Variants in MED12L observed in about 807,000 individuals in gnomAD.
The protein encoded by MED12L is mediator of RNA polymerase II transcription subunit 12-like protein.
Under a neutral mutation model 281.3 loss-of-function variants are expected in MED12L, and 60 were observed. The ratio of observed to expected loss-of-function variants is 0.21; its 90% CI spans 0.17 to 0.26. The LOEUF (loss-of-function observed/expected upper bound fraction) is 0.26. MED12L is among the 10% of genes least tolerant of loss of function. MED12L has a pLI of 1.00. For synonymous variants in MED12L, 974 were observed against 987.2 expected (o/e 0.99, Z 0.25); for missense variants, 2,146 against 2,680.9 (o/e 0.80, Z 4.41).
intron 5 of MED12L, among the ~76,000 whole-genome samples, chr3:151,143,038 C>T (rs1012468294): frequency 1.3e-5 from 2 of 152,090 alleles, no homozygotes; most frequent in African/African-American, 4.8e-5. Flanking sequence ...ACAGCTAAAG[C>T]AAATAGCTTT....
chr3:151,294,529 T>A (rs754509945), intron 16 of MED12L: 1 of 1,614,172 alleles, frequency 6.2e-7, no homozygotes, highest in South Asian at 1.1e-5. Context: ...GACTTATGAA[T>A]TGCCTGCTGG....
intron 16 of MED12L, among the ~76,000 whole-genome samples, chr3:151,298,344 A>G (rs578042938): frequency 6.6e-6 from 1 of 152,304 alleles, no homozygotes; most frequent in South Asian, 2.1e-4. Flanking sequence ...TCTTTAATTG[A>G]CAGTAGCTTG....
chr3:151,242,202 C>G (rs534830096), intron 16 of MED12L, among the ~76,000 whole-genome samples: 2 of 152,206 alleles, frequency 1.3e-5, no homozygotes, highest in South Asian at 4.1e-4. Context: ...GGGGGAGGGG[C>G]GCCCGCCATT....
chr3:151,213,498 C>T lies in MED12L; in HGVS notation c.2250+19832C>T, dbSNP rs1348235576. ...GCAGAGTGAATTCTTTCATATACCGCAAGATTTCTTTTGACTGGCAGCTGT... is the reference window on the plus strand; with the variant it reads ...GCAGAGTGAATTCTTTCATATACCGTAAGATTTCTTTTGACTGGCAGCTGT... On this transcript the variant is annotated intron_variant, in intron 16 of 44. Coordinates refer to ENST00000687756, the MANE Select transcript of MED12L (RefSeq NM_001393769.1). 4 of 1,614,086 alleles carry T rather than the reference C, an allele frequency of 2.5e-6. No homozygotes were observed. In the African/African-American group the frequency reaches 4.0e-5, roughly 16 times the overall value.
At chr3:151,202,880 C>T (rs995128034) in intron 16 of MED12L, among the ~76,000 whole-genome samples, 14 of 152,134 alleles carry the variant, frequency 9.2e-5, no homozygotes, top group African/African-American at 3.1e-4. Context: ...GGTATTCAGT[C>T]TGGTGTCAAT....
chr3:151,379,204 A>G (rs1396969423), intron 31 of MED12L, among the ~76,000 whole-genome samples: 2 of 152,208 alleles, frequency 1.3e-5, no homozygotes, highest in African/African-American at 4.8e-5. Flanking sequence ...TTTTCAAATC[A>G]TATTTGCTGA....
chr3:151,122,833 T>A lies in MED12L; in HGVS notation c.255T>A (p.Thr85=). Reference sequence around the variant, plus strand: ...TAGCTGAGAAACTGAAGCTTAACACTTTCCAGGACACGGGAAAGAAGAAAC... The same window carrying A: ...TAGCTGAGAAACTGAAGCTTAACACATTCCAGGACACGGGAAAGAAGAAAC... ...SILAEKLKLN[T]FQDTGKKKPQ... Residue 85 remains threonine, a synonymous_variant, in exon 4 of 45, where the codon ACT becomes ACA. Transcript: ENST00000687756. The A allele has an allele frequency of 6.2e-7, 1 of 1,611,572 alleles. No homozygotes were observed. The highest frequency in any genetic ancestry group is 1.1e-5 in the South Asian group (1 of 90,372).
At chr3:151,309,654 A>G (rs937523360) in intron 16 of MED12L, among the ~76,000 whole-genome samples, 2 of 152,178 alleles carry the variant, frequency 1.3e-5, no homozygotes, top group Admixed American at 6.5e-5. Flanking sequence ...CATGTGCCAC[A>G]TAAGTGCTCC....
chr3:151,413,096 C>T (rs1717138799), intron 41 of MED12L, 43 bp from the exon 42 acceptor site: 1 of 1,583,068 alleles, frequency 6.3e-7, no homozygotes. Flanking sequence ...AAAAGTTTGA[C>T]ATTATGCTTG....
At chr3:151,203,392 T>C (rs1445354734) in intron 16 of MED12L, among the ~76,000 whole-genome samples, 2 of 151,656 alleles carry the variant, frequency 1.3e-5, no homozygotes, top group East Asian at 3.9e-4. Flanking sequence ...AGAGAAAAGA[T>C]CTTCATTTAG....
intron 35 of MED12L, 104 bp from the exon 36 acceptor site, chr3:151,384,926 A>G (rs1214286169): frequency 1.3e-6 from 1 of 745,072 alleles, no homozygotes; most frequent in Non-Finnish European, 2.4e-6. Flanking sequence ...GCTAAGCTAT[A>G]AAAAGGGAAA....
At chr3:151,338,175 C>T in intron 16 of MED12L, 8 of 1,614,036 alleles carry the variant, frequency 5.0e-6, no homozygotes, top group Non-Finnish European at 6.8e-6. Flanking sequence ...ACCTACACCC[C>T]TCGTTCTTAC....
chr3:151,204,697 G>A (rs1217858857), intron 16 of MED12L, among the ~76,000 whole-genome samples: 1 of 152,220 alleles, frequency 6.6e-6, no homozygotes, highest in Non-Finnish European at 1.5e-5. Context: ...TAGAGGAGAT[G>A]AAAGGGAGAG....
rs765227451 is a variant in MED12L, at chr3:151,160,119, G to A, written c.1107+18G>A. On this transcript the variant is annotated intron_variant, in intron 8 of 44. Coordinates refer to ENST00000687756, the MANE Select transcript of MED12L (RefSeq NM_001393769.1). ...TGTTGCAGGTAAGTCCTTGGCCCTTGTTATTTTATGTTAAAATTCAATGTG... is the reference window on the plus strand; with the variant it reads ...TGTTGCAGGTAAGTCCTTGGCCCTTATTATTTTATGTTAAAATTCAATGTG... 7 of 1,484,810 alleles carry A rather than the reference G, an allele frequency of 4.7e-6. No homozygotes were observed. In the South Asian group the frequency reaches 1.0e-4, roughly 22 times the overall value. The allele number at this position is 1,484,810 out of a possible 1,614,324, so 92.0% of individuals were successfully genotyped here.
intron 37 of MED12L, 138 bp downstream of exon 37, chr3:151,388,310 A>G (rs1713740778): frequency 1.1e-5 from 11 of 1,006,346 alleles, no homozygotes; most frequent in East Asian, 2.6e-5. Flanking sequence ...AGGTTTCTGC[A>G]TTAACTGAAT....
chr3:151,299,733 A>C (rs529737816), intron 16 of MED12L, among the ~76,000 whole-genome samples: 1 of 152,152 alleles, frequency 6.6e-6, no homozygotes, highest in Admixed American at 6.6e-5. Flanking sequence ...GAACCTCATG[A>C]ACCTTGGTTT....
At chr3:151,205,364 T>C (rs1388454953) in intron 16 of MED12L, among the ~76,000 whole-genome samples, 1 of 152,238 alleles carries the variant, frequency 6.6e-6, no homozygotes, top group Non-Finnish European at 1.5e-5. Flanking sequence ...AAATTAAAGC[T>C]AAATTGTCCA....
intron 15 of MED12L, among the ~76,000 whole-genome samples, chr3:151,193,082 T>A (rs960915356): frequency 2.0e-5 from 3 of 151,790 alleles, no homozygotes; most frequent in East Asian, 1.9e-4. Context: ...TATATAACTT[T>A]AAAAAAAAAT....
chr3:151,134,048 G>A (rs1334735857), intron 5 of MED12L, among the ~76,000 whole-genome samples: 1 of 152,134 alleles, frequency 6.6e-6, no homozygotes, highest in African/African-American at 2.4e-5. Context: ...TGGAATCCCC[G>A]GTATTGTGAT....
Sources: gnomAD v4.1 joint callset for allele counts (sites outside exome capture counted in the v4.1 genomes callset) on GRCh38, gnomAD v4.1.1 for gene constraint, MANE v1.5 for transcripts, NCBI Gene and HGNC (gene_info 2026-07-23, HGNC 2026-07-21) for gene names.